The following AOPEP variants were observed in gnomAD, a reference collection of about 807,000 sequenced individuals.
AOPEP encodes the protein aminopeptidase O (putative), also known as aminopeptidase O.
Under a neutral mutation model 98.1 loss-of-function variants are expected in AOPEP, and 77 were observed. The ratio of observed to expected loss-of-function variants is 0.78; its 90% confidence interval spans 0.65 to 0.95. The LOEUF is 0.95. AOPEP is among the 40% of genes least tolerant of loss of function. The pLI, the probability that AOPEP is intolerant of heterozygous loss-of-function variation, is 0.00. For missense variants in AOPEP, 1,024 were observed against 1,024.7 expected (o/e 1.00, Z 0.01); for synonymous variants, 346 against 365.3 (o/e 0.95, Z 0.60).
At chr9:95,046,819 A>G (rs891179702) in intron 13 of AOPEP, among the ~76,000 whole-genome samples, 1 of 152,218 alleles carries the variant, frequency 6.6e-6, no homozygotes, top group African/African-American at 2.4e-5. Flanking sequence ...TTAAGTATGT[A>G]AGAATGTCAT....
In AOPEP at chr9:95,086,870, C is replaced by T. The variant is rs913992975; in HGVS notation, c.*193C>T. 17 of 987,834 alleles carry T rather than the reference C, an allele frequency of 1.7e-5. No individual in the cohort carries two copies. The highest frequency in any genetic ancestry group is 2.8e-4 in the Middle Eastern group (1 of 3,566). The allele number at this position is 987,834 out of a possible 1,614,324, so 61.2% of individuals were successfully genotyped here. The stretch of plus-strand genomic sequence containing the variant: ...CAGGCACACACAAAAGGCAGATTCT[C>T]GTAAACGCAGCCTCCCTCCCTGGAG... On this transcript the variant is annotated 3_prime_UTR_variant, in exon 17 of 17. Coordinates refer to ENST00000375315, the MANE Select transcript of AOPEP (RefSeq NM_001193329.3).
At position 95,034,598 on chromosome 9, in the gene AOPEP, T is replaced by C. The variant is rs1250930221; in HGVS notation, c.2116-26096T>C. Among the ~76,000 whole-genome samples the C allele has an allele frequency of 2.0e-5, 3 of 152,258 alleles. No homozygotes were observed. The East Asian group carries it at 5.8e-4, about 29-fold the overall frequency. On this transcript the variant is annotated intron_variant, in intron 13 of 16. Coordinates refer to ENST00000375315, the MANE Select transcript of AOPEP (RefSeq NM_001193329.3). The stretch of plus-strand genomic sequence containing the variant: ...GGATATTAATAATTTTTCCCTTGAA[T>C]CACACACAGTGGCCTGCGAGGCCTC...
intron 3 of AOPEP, among the ~76,000 whole-genome samples, chr9:94,774,860 T>C (rs1366746866): frequency 1.3e-5 from 2 of 152,220 alleles, no homozygotes; most frequent in Non-Finnish European, 1.5e-5. Context: ...GCTCATCTGA[T>C]AGGCAGCAGC....
At chr9:94,860,241 C>T (rs201257843) in intron 5 of AOPEP, among the ~76,000 whole-genome samples, 21 of 151,970 alleles carry the variant, frequency 1.4e-4, no homozygotes, top group Admixed American at 3.9e-4. Flanking sequence ...TTGGAGGACC[C>T]GAAAGAAGTG....
intron 9 of AOPEP, 125 bp downstream of exon 9, chr9:94,956,140 G>A (rs1279367139): frequency 1.7e-6 from 1 of 601,638 alleles, no homozygotes; most frequent in Admixed American, 2.5e-5. Context: ...GGGAAAAATA[G>A]GAAGTTAATG....
chr9:95,082,833 C>A, intron 16 of AOPEP, 114 bp downstream of exon 16: 1 of 1,246,130 alleles, frequency 8.0e-7, no homozygotes, highest in Non-Finnish European at 1.1e-6. Context: ...CATCAATAGT[C>A]GGCTCCCTGG....
chr9:95,063,201 A>C (rs1312876197), intron 14 of AOPEP, among the ~76,000 whole-genome samples: 2 of 152,222 alleles, frequency 1.3e-5, no homozygotes, highest in African/African-American at 4.8e-5. Flanking sequence ...AATAGCCATA[A>C]AAGTTTAAAA....
intron 5 of AOPEP, among the ~76,000 whole-genome samples, chr9:94,890,820 C>A (rs554201626): frequency 2.1e-4 from 32 of 152,056 alleles, no homozygotes; most frequent in Non-Finnish European, 4.0e-4. Flanking sequence ...AATATATTCT[C>A]TATGATTTGA....
At chr9:95,123,785 T>G in the AOPEP span, 1 of 699,416 alleles carries the variant, frequency 1.4e-6, no homozygotes, top group Non-Finnish European at 2.7e-6. Flanking sequence ...GAATCGATCT[T>G]GTGAAGCCCA....
intron 13 of AOPEP, among the ~76,000 whole-genome samples, chr9:95,032,236 C>G (rs749680869): frequency 2.4e-4 from 37 of 152,210 alleles, no homozygotes; most frequent in Non-Finnish European, 4.7e-4. Flanking sequence ...AGGCCACCCC[C>G]ACCTGGAGTG....
At chr9:94,985,433 C>T (rs776487284) in intron 11 of AOPEP, among the ~76,000 whole-genome samples, 2 of 152,264 alleles carry the variant, frequency 1.3e-5, no homozygotes, top group East Asian at 3.9e-4. Context: ...ACTGTAGTCA[C>T]GATGTGCTTT....
At chr9:95,144,048 A>C in the AOPEP span, among the ~76,000 whole-genome samples, 1 of 152,208 alleles carries the variant, frequency 6.6e-6, no homozygotes, top group Non-Finnish European at 1.5e-5. Context: ...TGTGGTAAGC[A>C]AATAGTTGGA....
chr9:94,754,851 A>T (rs1787285305), intron 1 of AOPEP, among the ~76,000 whole-genome samples: 1 of 152,184 alleles, frequency 6.6e-6, no homozygotes, highest in African/African-American at 2.4e-5. Context: ...CGTTGGGGTG[A>T]TTGGGGATGG....
intron 13 of AOPEP, among the ~76,000 whole-genome samples, chr9:95,025,042 A>T (rs1177464410): frequency 6.6e-6 from 1 of 152,252 alleles, no homozygotes; most frequent in Non-Finnish European, 1.5e-5. Flanking sequence ...TATAATTTAT[A>T]AAAATCAAAT....
At chr9:94,728,574 G>T (rs192728381) in intron 1 of AOPEP, among the ~76,000 whole-genome samples, 10 of 152,296 alleles carry the variant, frequency 6.6e-5, no homozygotes, top group African/African-American at 1.7e-4. Flanking sequence ...GTGGACTTAA[G>T]GGAGGGTTTT....
chr9:95,114,871 T>A, the AOPEP span, among the ~76,000 whole-genome samples: 2 of 152,198 alleles, frequency 1.3e-5, no homozygotes, highest in Non-Finnish European at 2.9e-5. Context: ...AGTACCTATC[T>A]CTTAAGCCTG....
chr9:94,976,817 C>A (rs2138613066), intron 10 of AOPEP, among the ~76,000 whole-genome samples: 1 of 152,292 alleles, frequency 6.6e-6, no homozygotes, highest in Middle Eastern at 3.4e-3. Flanking sequence ...TATGCACATG[C>A]CACCATGCCC....
chr9:95,114,545 T>C, the AOPEP span: 1 of 1,222,640 alleles, frequency 8.2e-7, no homozygotes. Flanking sequence ...AATGCCTTCC[T>C]CTGTCAGCCC....
At chr9:95,132,155 G>T in the AOPEP span, among the ~76,000 whole-genome samples, 7 of 152,158 alleles carry the variant, frequency 4.6e-5, no homozygotes, top group African/African-American at 1.7e-4. Context: ...ACCCAGCTGC[G>T]GGCGGGCTCT....
Sources: gnomAD v4.1 joint callset for allele counts (sites outside exome capture counted in the v4.1 genomes callset) on GRCh38, gnomAD v4.1.1 for gene constraint, MANE v1.5 for transcripts, NCBI Gene and HGNC (gene_info 2026-07-23, HGNC 2026-07-21) for gene names.